FIGN: variants seen among roughly 807,000 people sequenced by gnomAD.
FIGN encodes fidgetin.
Under a neutral mutation model 51.3 loss-of-function variants are expected in FIGN, and 11 were observed. The ratio of observed to expected loss-of-function variants is 0.21; its 90% CI spans 0.13 to 0.35. The LOEUF is 0.35. Ranked by LOEUF, FIGN falls within the 10% of genes least tolerant of loss-of-function variation. FIGN has a pLI of 1.00. For synonymous variants in FIGN, 407 were observed against 363.2 expected (o/e 1.12, Z -1.37); for missense variants, 857 against 943.6 (o/e 0.91, Z 1.20).
intron 2 of FIGN, among the ~76,000 whole-genome samples, chr2:163,675,542 T>A (rs1683944071): frequency 6.6e-6 from 1 of 152,192 alleles, no homozygotes; most frequent in African/African-American, 2.4e-5. Context: ...ACAAGTCTTC[T>A]GGGTGACTCT....
chr2:163,652,361 A>ACACACACAC lies in FIGN; in HGVS notation c.26-40556_26-40555insGTGTGTGTG, dbSNP rs776188112. On this transcript the variant is annotated intron_variant, in intron 2 of 2. Transcript: ENST00000333129. ...ATTAACCAACACACACACACACACA[A>ACACACACAC]ACACACACACACACACACACACACA... Among the ~76,000 whole-genome samples the ACACACACAC allele has an allele frequency of 3.9e-3, 549 of 139,432 alleles. 10 individuals are homozygous for ACACACACAC. Among genetic ancestry groups the ACACACACAC allele is most frequent in the African/African-American group, 0.014 (521 of 36,076 alleles). The allele number at this position is 139,432 out of a possible 152,430, so 91.5% of individuals were successfully genotyped here. A position where few individuals can be genotyped will look rare whatever the true frequency, so the allele number is the denominator to read the frequency against.
At chr2:163,676,241 T>C (rs1256989890) in intron 2 of FIGN, among the ~76,000 whole-genome samples, 1 of 151,712 alleles carries the variant, frequency 6.6e-6, no homozygotes, top group African/African-American at 2.4e-5. Context: ...AAAATTATTT[T>C]GAAACTAATA....
chr2:163,650,635 C>T (rs981871550), intron 2 of FIGN, among the ~76,000 whole-genome samples: 4 of 151,694 alleles, frequency 2.6e-5, no homozygotes, highest in Non-Finnish European at 5.9e-5. Flanking sequence ...GTGAGAACAT[C>T]GATGTTTGGT....
intron 2 of FIGN, among the ~76,000 whole-genome samples, chr2:163,699,510 T>TGTACCGGAG (rs3058762): frequency 1.3e-5 from 2 of 151,710 alleles, no homozygotes; most frequent in Non-Finnish European, 2.9e-5. Context: ...GCATTCCAAG[T>TGTACCGGAG]TCTACATGTT....
chr2:163,678,971 A>C (rs1379595388), intron 2 of FIGN, among the ~76,000 whole-genome samples: 1 of 152,250 alleles, frequency 6.6e-6, no homozygotes, highest in African/African-American at 2.4e-5. Context: ...TTTTATCATT[A>C]ATGAAAATTA....
At chr2:163,665,034 G>A (rs73974367) in intron 2 of FIGN, among the ~76,000 whole-genome samples, 9,609 of 152,272 alleles carry the variant, frequency 0.063, 423 homozygotes, top group African/African-American at 0.13. Flanking sequence ...TTGATTATTT[G>A]CCAAGAGTCT....
rs1553491414 is a variant in FIGN at position 163,604,936 on chromosome 2, C to CATTTTTT, written c.*4615_*4616insAAAAAAT. 3.2e-5 allele frequency: 3 copies of CATTTTTT among 94,258 alleles called. No homozygotes were observed. The highest frequency in any genetic ancestry group is 4.1e-5 in the African/African-American group (1 of 24,464). The allele number at this position is 94,258 out of a possible 1,614,324, so 5.8% of individuals were successfully genotyped here. Reference sequence around the variant, plus strand: ...TTTTAAGCCCAGAAATAAACTTTTGCTTTTTTTTTTTTTTTTTTTGTATCA... The same window carrying CATTTTTT: ...TTTTAAGCCCAGAAATAAACTTTTGCATTTTTTTTTTTTTTTTTTTTTTTTTGTATCA... On this transcript the variant is annotated 3_prime_UTR_variant, in exon 3 of 3. Coordinates refer to ENST00000333129, the MANE Select transcript of FIGN (RefSeq NM_018086.4).
At chr2:163,709,922 T>C (rs893607650) in intron 2 of FIGN, among the ~76,000 whole-genome samples, 2 of 152,160 alleles carry the variant, frequency 1.3e-5, no homozygotes, top group Non-Finnish European at 2.9e-5. Flanking sequence ...TTACAAATGT[T>C]AACATATCCT....
Position 163,610,039 on chromosome 2 carries a change from T to C in FIGN, c.1793A>G (p.Glu598Gly), listed in dbSNP as rs756945088. The C allele has an allele frequency of 6.2e-7, 1 of 1,614,078 alleles. No homozygotes were observed. The highest frequency in any genetic ancestry group is 8.5e-7 in the Non-Finnish European group (1 of 1,179,982). The change falls in exon 3 of 3, where the codon GAA (glutamate) becomes GGA (glycine). Residue 598 changes from glutamate (E) to glycine (G), a missense_variant. By Grantham distance (98) the Glu-to-Gly change is moderately conservative. Transcript: ENST00000333129. Reference protein sequence around the residue: ...DMLLSSQVNEEHSPVSRMRTE... With the variant: ...DMLLSSQVNEGHSPVSRMRTE... The stretch of plus-strand genomic sequence containing the variant: ...TCTCATCCGACTGACTGGACTATGT[T>C]CCTCATTCACTTGAGAGGAGAGAAG...
chr2:163,613,431 C>T (rs1405365831), intron 2 of FIGN, among the ~76,000 whole-genome samples: 1 of 152,108 alleles, frequency 6.6e-6, no homozygotes, highest in Non-Finnish European at 1.5e-5. Flanking sequence ...CCCTTCTGTG[C>T]TCTTCCTCCA....
intron 2 of FIGN, among the ~76,000 whole-genome samples, chr2:163,712,832 G>C (rs1684608682): frequency 6.6e-6 from 1 of 152,058 alleles, no homozygotes; most frequent in Admixed American, 6.5e-5. Flanking sequence ...CTATTATGCA[G>C]CAGAATTATT....
intron 2 of FIGN, among the ~76,000 whole-genome samples, chr2:163,641,886 G>A (rs1683311390): frequency 3.3e-5 from 5 of 152,172 alleles, no homozygotes; most frequent in Non-Finnish European, 7.3e-5. Flanking sequence ...GAAGTCTGAA[G>A]TCTTGCATTT....
At chr2:163,714,564 G>C (rs1247242937) in intron 2 of FIGN, among the ~76,000 whole-genome samples, 1 of 152,086 alleles carries the variant, frequency 6.6e-6, no homozygotes, top group Non-Finnish European at 1.5e-5. Context: ...TAAAACTCCT[G>C]GTCTGATTAC....
chr2:163,669,414 C>T (rs1420464235), intron 2 of FIGN, among the ~76,000 whole-genome samples: 3 of 152,138 alleles, frequency 2.0e-5, no homozygotes, highest in Non-Finnish European at 2.9e-5. Context: ...CAGGGTCTTC[C>T]TATGTTGCCC....
intron 2 of FIGN, among the ~76,000 whole-genome samples, chr2:163,688,293 A>G (rs895023167): frequency 5.3e-5 from 8 of 152,222 alleles, no homozygotes; most frequent in African/African-American, 1.4e-4. Flanking sequence ...AATTGAAGAC[A>G]TGGTCCTAGG....
At chr2:163,684,939 AT>A (rs548647272) in intron 2 of FIGN, among the ~76,000 whole-genome samples, 9,214 of 119,400 alleles carry the variant, frequency 0.077, 319 homozygotes, top group African/African-American at 0.14. Context: ...ATGCCTGGCT[AT>A]TTTTTTTTTT....
At chr2:163,646,376 T>G (rs1359486409) in intron 2 of FIGN, among the ~76,000 whole-genome samples, 1 of 152,160 alleles carries the variant, frequency 6.6e-6, no homozygotes, top group East Asian at 1.9e-4. Context: ...ATAAAATGTT[T>G]TGGGAGTTTA....
At chr2:163,613,363 G>A (rs1682805183) in intron 2 of FIGN, among the ~76,000 whole-genome samples, 1 of 152,064 alleles carries the variant, frequency 6.6e-6, no homozygotes, top group Non-Finnish European at 1.5e-5. Flanking sequence ...TCTACATGAA[G>A]CATCTGTGGC....
chr2:163,732,404 A>C (rs1237987663), intron 2 of FIGN, among the ~76,000 whole-genome samples: 1 of 152,222 alleles, frequency 6.6e-6, no homozygotes, highest in African/African-American at 2.4e-5. Context: ...GAAGGAGTAA[A>C]AGAGAGGAAG....
Sources: allele counts gnomAD v4.1 joint callset (sites outside exome capture counted in the v4.1 genomes callset), GRCh38; gene constraint gnomAD v4.1.1; transcripts MANE v1.5; gene names NCBI Gene and HGNC (gene_info 2026-07-23, HGNC 2026-07-21).